The following EPS15L1 variants were observed in gnomAD, a reference collection of about 807,000 sequenced individuals.
The protein encoded by EPS15L1 is epidermal growth factor receptor substrate 15-like 1.
Under a neutral mutation model 117.1 loss-of-function variants are expected in EPS15L1, and 43 were observed. The ratio of observed to expected loss-of-function variants is 0.37; its 90% CI spans 0.29 to 0.47. EPS15L1 has a LOEUF of 0.47. Ranked by LOEUF, EPS15L1 falls within the 20% of genes least tolerant of loss-of-function variation. The pLI, the probability that EPS15L1 is intolerant of heterozygous loss-of-function variation, is 0.99. For missense variants in EPS15L1, 981 were observed against 1,164.0 expected (o/e 0.84, Z 2.29); for synonymous variants, 459 against 470.5 (o/e 0.98, Z 0.32).
intron 19 of EPS15L1, among the ~76,000 whole-genome samples, chr19:16,391,815 G>A (rs566933141): frequency 6.6e-6 from 1 of 152,164 alleles, no homozygotes; most frequent in Non-Finnish European, 1.5e-5. Context: ...GGGCTGAGAC[G>A]CCTGCACTTA....
chr19:16,433,248 C>T (rs1030428918), intron 7 of EPS15L1, among the ~76,000 whole-genome samples: 1 of 152,110 alleles, frequency 6.6e-6, no homozygotes, highest in Admixed American at 6.5e-5. Context: ...CTGTCTCAGC[C>T]TCCCAAGTGT....
At chr19:16,455,902 G>C (rs1032623595) in intron 1 of EPS15L1, among the ~76,000 whole-genome samples, 3 of 151,806 alleles carry the variant, frequency 2.0e-5, no homozygotes, top group Admixed American at 6.6e-5. Context: ...CCCACCCTTC[G>C]CATAAAACCT....
At chr19:16,368,215 G>A (rs1312168587) in intron 22 of EPS15L1, among the ~76,000 whole-genome samples, 8 of 152,160 alleles carry the variant, frequency 5.3e-5, no homozygotes, top group Non-Finnish European at 8.8e-5. Flanking sequence ...CACAACTGTG[G>A]ACACACATAC....
chr19:16,361,715 A>T, intron 23 of EPS15L1, 64 bp downstream of exon 23: 1 of 1,527,830 alleles, frequency 6.5e-7, no homozygotes, highest in South Asian at 1.3e-5. Flanking sequence ...AAGGAGACAA[A>T]AATCCCAGGG....
chr19:16,456,448 G>A (rs1044259201), intron 1 of EPS15L1, among the ~76,000 whole-genome samples: 10 of 152,024 alleles, frequency 6.6e-5, no homozygotes, highest in Middle Eastern at 3.2e-3. Flanking sequence ...CATGAGGTCA[G>A]GAGTTCGAGA....
chr19:16,452,397 G>T (rs1444627198), intron 1 of EPS15L1, among the ~76,000 whole-genome samples: 1 of 150,638 alleles, frequency 6.6e-6, no homozygotes, highest in African/African-American at 2.4e-5. Context: ...AGCGAGCTGA[G>T]ATTATGCTAC....
Position 16,412,992 on chromosome 19 carries a change from G to T in EPS15L1, c.1266+781C>A. 5 of 685,288 alleles carry T rather than the reference G, an allele frequency of 7.3e-6. No individual in the cohort carries two copies. The Middle Eastern group carries it at 1.1e-3, about 151-fold the overall frequency. The allele number at this position is 685,288 out of a possible 1,614,324, so 42.5% of individuals were successfully genotyped here. On this transcript the variant is annotated intron_variant, in intron 13 of 23. Transcript: ENST00000455140. ...TGAGATCATTGACTTTTGCCTGGGG[G>T]GCTCTCTCAAGGATGAGGTTTTGAA...
chr19:16,395,224 T>C (rs2092527350), intron 17 of EPS15L1, 120 bp downstream of exon 17: 1 of 929,534 alleles, frequency 1.1e-6, no homozygotes, highest in African/African-American at 1.7e-5. Context: ...AAAAAAGGCA[T>C]TCCTTTCCCC....
rs1184655256 is a variant in EPS15L1, at chr19:16,355,563, G to A, written c.*142C>T. 7 of 1,082,460 alleles carry A rather than the reference G, an allele frequency of 6.5e-6. No individual in the cohort carries two copies. The highest frequency in any genetic ancestry group is 3.2e-5 in the African/African-American group (2 of 63,360). 67.1% of individuals were successfully genotyped at this position (1,082,460 alleles called of 1,614,324 possible). On this transcript the variant is annotated 3_prime_UTR_variant, in exon 24 of 24. Coordinates refer to ENST00000455140, the MANE Select transcript of EPS15L1 (RefSeq NM_001258374.3). ...TGTGACCTTTCCAGGTCTTGCAGCC[G>A]AGTCTGCTCACCCTGAACAAGCCCC...
At chr19:16,412,912 A>G (rs1349757334) in intron 13 of EPS15L1, 1 of 641,914 alleles carries the variant, frequency 1.6e-6, no homozygotes, top group Non-Finnish European at 2.9e-6. Flanking sequence ...GGTCAAGGAC[A>G]TGAAGATCAA....
chr19:16,404,781 A>ATGG lies in EPS15L1; in HGVS notation c.1267-35_1267-33dup. Reference sequence around the variant, plus strand: ...AGGAGTTGCAGGGGTTTACGTGAGGATGGGAAAAATGAAGCATGTCCAAGA... The same window carrying ATGG: ...AGGAGTTGCAGGGGTTTACGTGAGGATGGTGGGAAAAATGAAGCATGTCCAAGA... On this transcript the variant is annotated intron_variant, in intron 13 of 23. Coordinates refer to ENST00000455140, the MANE Select transcript of EPS15L1 (RefSeq NM_001258374.3). This position sits in a 1 kb window ranked among gnomAD's most constrained non-coding sequence, Gnocchi z 4.2. The ATGG allele has an allele frequency of 6.2e-7, 1 of 1,610,182 alleles. No homozygotes were observed. The highest frequency in any genetic ancestry group is 1.1e-5 in the South Asian group (1 of 90,932).
intron 21 of EPS15L1, among the ~76,000 whole-genome samples, 179 bp downstream of exon 21, chr19:16,384,950 C>T (rs1054162116): frequency 6.6e-6 from 1 of 152,174 alleles, no homozygotes; most frequent in Non-Finnish European, 1.5e-5. Context: ...CAGGGCTCAC[C>T]CCACGGGACT....
chr19:16,439,074 GTTT>G (rs755051356), intron 4 of EPS15L1, among the ~76,000 whole-genome samples: 4 of 115,312 alleles, frequency 3.5e-5, no homozygotes, highest in Admixed American at 8.4e-5. Flanking sequence ...TTTTTTTTCT[GTTT>G]TTTTTTTTTT....
chr19:16,458,696 A>G (rs1568468437), intron 1 of EPS15L1, among the ~76,000 whole-genome samples: 1 of 151,716 alleles, frequency 6.6e-6, no homozygotes, highest in Admixed American at 6.6e-5. Context: ...ACTCACACAC[A>G]CTCAGCCACA....
chr19:16,416,760 A>G (rs1209562696), intron 12 of EPS15L1, among the ~76,000 whole-genome samples: 1 of 152,142 alleles, frequency 6.6e-6, no homozygotes, highest in Admixed American at 6.5e-5. Context: ...TGATCACACC[A>G]CTACGCTCCA....
intron 12 of EPS15L1, among the ~76,000 whole-genome samples, chr19:16,414,712 G>GC (rs2092741235): frequency 7.9e-6 from 1 of 127,070 alleles, no homozygotes; most frequent in Non-Finnish European, 1.7e-5. Flanking sequence ...TTTTGGTTTT[G>GC]TTTTTTTTTT....
chr19:16,428,872 C>T (rs1178744729), intron 7 of EPS15L1, 111 bp from the exon 8 acceptor site: 32 of 792,648 alleles, frequency 4.0e-5, no homozygotes, highest in African/African-American at 3.4e-5. Flanking sequence ...GCTCAGGAGA[C>T]GGCAGTCAAT....
At chr19:16,401,663 G>A in intron 16 of EPS15L1, 4 of 985,456 alleles carry the variant, frequency 4.1e-6, no homozygotes, top group Non-Finnish European at 3.6e-6. Context: ...GGTCACACCT[G>A]TCTTGGTATC....
rs181324355 is a variant in EPS15L1, at chr19:16,410,598, G to A, written c.1266+3175C>T. The stretch of plus-strand genomic sequence containing the variant: ...GCAAAGCCAAAACATCTATCAATGA[G>A]GGATGGATGAGTAAAATGTGGCCCA... On this transcript the variant is annotated intron_variant, in intron 13 of 23. Coordinates refer to ENST00000455140, the MANE Select transcript of EPS15L1 (RefSeq NM_001258374.3). Among the ~76,000 whole-genome samples, 53 of 152,066 alleles carry A rather than the reference G, an allele frequency of 3.5e-4. 1 individual carries two copies. Among genetic ancestry groups the A allele is most frequent in the African/African-American group, 1.2e-3 (50 of 41,386 alleles).
Sources: gnomAD v4.1 joint callset for allele counts (sites outside exome capture counted in the v4.1 genomes callset) on GRCh38, gnomAD v4.1.1 for gene constraint, Gnocchi (gnomAD v3.1) non-coding constraint, MANE v1.5 for transcripts, NCBI Gene and HGNC (gene_info 2026-07-23, HGNC 2026-07-21) for gene names.